The following ZNF443 variants were observed in gnomAD, a reference collection of about 807,000 sequenced individuals.
ZNF443 encodes Kruppel-type zinc finger (C2H2).
Under a neutral mutation model 12.0 loss-of-function variants are expected in ZNF443, and 3 were observed. The observed-to-expected ratio is 0.25, with a 90% CI of 0.11 to 0.64. The LOEUF (loss-of-function observed/expected upper bound fraction) is 0.64, where lower values mean the gene tolerates loss of function less well. Ranked by LOEUF, ZNF443 falls within the 30% of genes least tolerant of loss-of-function variation. ZNF443 has a pLI of 0.84. For missense variants in ZNF443, 770 were observed against 808.8 expected, an observed-to-expected ratio of 0.95 and a Z score of 0.58; for synonymous variants, 225 against 265.9, an observed-to-expected ratio of 0.85 and a Z score of 1.50.
chr19:12,435,521 C>T (rs1970300274), intron 1 of ZNF443, among the ~76,000 whole-genome samples: 1 of 152,162 alleles, frequency 6.6e-6, no homozygotes, highest in South Asian at 2.1e-4. Flanking sequence ...CCCATGCATG[C>T]ACAGTAAAGA....
rs781349065 is a variant in ZNF443, at chr19:12,430,821, A to G, written c.1351T>C (p.Cys451Arg). Residue 451 changes from cysteine to arginine, a missense_variant, in exon 4 of 4, where the codon TGT becomes CGT. By Grantham distance (180) the Cys-to-Arg change is radical. This residue lies in a region of ZNF443 where 736 missense variants were observed against 689.4 expected (regional missense o/e 1.07). Transcript: ENST00000301547. ...CGGTAGGCTTTGCCACATTGTTTAC[A>G]TTTATAGGGTTTCTCTGCAGTGTGA... Reference protein sequence around the residue: ...RTHTAEKPYKCKQCGKAYRIS... With the variant: ...RTHTAEKPYKRKQCGKAYRIS... 1 of 1,614,138 alleles carries G rather than the reference A, an allele frequency of 6.2e-7. No individual in the cohort carries two copies. The highest frequency in any genetic ancestry group is 2.2e-5 in the East Asian group (1 of 44,882).
chr19:12,433,691 T>C (rs1309409400), intron 1 of ZNF443, among the ~76,000 whole-genome samples: 1 of 151,908 alleles, frequency 6.6e-6, no homozygotes, highest in Admixed American at 6.6e-5. Flanking sequence ...GCAAAAAAAA[T>C]ATAGTATTTC....
chr19:12,431,539 T>A lies in ZNF443; in HGVS notation c.633A>T (p.Leu211Phe). 16 of 1,614,130 alleles carry A rather than the reference T, an allele frequency of 9.9e-6. No homozygotes were observed. The highest frequency in any genetic ancestry group is 1.4e-5 in the Non-Finnish European group (16 of 1,179,996). ...LCGKAFFWPS[L>F]LHMHERTHTG... ...TGTGCGTTCTTTCATGCATATGTAA[T>A]AAACTGGGCCAAAAAAACGCTTTCC... Residue 211 changes from leucine (L) to phenylalanine (F), a missense_variant, in exon 4 of 4, where the codon TTA becomes TTT. By Grantham distance (22) the Leu-to-Phe change is conservative (BLOSUM62 0). Coordinates refer to ENST00000301547, the MANE Select transcript of ZNF443 (RefSeq NM_005815.5).
intron 1 of ZNF443, among the ~76,000 whole-genome samples, chr19:12,437,993 C>T (rs1003718750): frequency 7.3e-5 from 11 of 151,332 alleles, no homozygotes; most frequent in African/African-American, 2.7e-4. Context: ...CCCAGCTACT[C>T]AGGAGGCTGA....
chr19:12,437,690 CA>C (rs1366656918), intron 1 of ZNF443, among the ~76,000 whole-genome samples: 8 of 151,888 alleles, frequency 5.3e-5, no homozygotes, highest in African/African-American at 1.7e-4. Flanking sequence ...CCAATGTGTG[CA>C]AGAAAACTAT....
chr19:12,430,084 T>C lies in ZNF443; in HGVS notation c.*72A>G. 1 of 1,600,842 alleles carries C rather than the reference T, an allele frequency of 6.2e-7. No individual in the cohort carries two copies. On this transcript the variant is annotated 3_prime_UTR_variant, in exon 4 of 4. Coordinates refer to ENST00000301547, the MANE Select transcript of ZNF443 (RefSeq NM_005815.5). Reference sequence around the variant, plus strand: ...ATTCACAGGGTCTATCTCCAATGTGTTTCGTACAAGTATCTGAAATGAAAT... The same window carrying C: ...ATTCACAGGGTCTATCTCCAATGTGCTTCGTACAAGTATCTGAAATGAAAT...
In ZNF443 at chr19:12,429,974, T is replaced by G. The variant is rs1599619374; in HGVS notation, c.*182A>C. ...AAGGGACTGGACATGGCTCACGGAG[T>G]GCTGGAACCAATACCCAGCAGGTAT... is the stretch of plus-strand genomic sequence containing the variant. On this transcript the variant is annotated 3_prime_UTR_variant, in exon 4 of 4. Coordinates refer to ENST00000301547, the MANE Select transcript of ZNF443 (RefSeq NM_005815.5). The G allele has an allele frequency of 2.1e-6, 2 of 938,596 alleles. No individual in the cohort carries two copies. The highest frequency in any genetic ancestry group is 3.2e-6 in the Non-Finnish European group (2 of 634,054). 58.1% of individuals were successfully genotyped at this position (938,596 alleles called of 1,614,324 possible). A position where few individuals can be genotyped will look rare whatever the true frequency, so the allele number is the denominator to read the frequency against.
chr19:12,429,777 T>A lies in ZNF443; in HGVS notation c.*379A>T. On this transcript the variant is annotated 3_prime_UTR_variant, in exon 4 of 4. Transcript: ENST00000301547. ...TGTTGATAGGCTCACAATTACTGCA[T>A]CTATACTGAAAATACATAGACTCTT... 3.6e-6 allele frequency: 1 copy of A among 279,836 alleles called. No homozygotes were observed. The highest frequency in any genetic ancestry group is 6.7e-6 in the Non-Finnish European group (1 of 148,456). The allele number at this position is 279,836 out of a possible 1,614,324, so 17.3% of individuals were successfully genotyped here.
rs555457438 is a variant in ZNF443, at chr19:12,431,417, G to A, written c.755C>T (p.Pro252Leu). ...TTTAGAACACTGTTTACATTCATAC[G>A]GTTTCTCCCCAGTATGTGTTCTTTC... ...RHERTHTGEK[P>L]YECKQCSKAF... Residue 252 changes from proline (P) to leucine (L), a missense_variant, in exon 4 of 4, where the codon CCG (proline) becomes CTG (leucine). Pro to Leu is a moderately conservative substitution (Grantham distance 98). Transcript: ENST00000301547. 113 of 1,614,052 alleles carry A rather than the reference G, an allele frequency of 7.0e-5. 2 individuals carry two copies. The highest frequency in any genetic ancestry group is 5.6e-4 in the South Asian group (51 of 91,060).
chr19:12,436,352 C>T (rs1033842674), intron 1 of ZNF443, among the ~76,000 whole-genome samples: 31 of 149,570 alleles, frequency 2.1e-4, no homozygotes, highest in African/African-American at 6.7e-4. Context: ...TGGTGGTGCA[C>T]GCCTGTAATC....
Position 12,430,969 on chromosome 19 carries a change from T to G in ZNF443, c.1203A>C (p.Ala401=), listed in dbSNP as rs541137100. ...KPYECKQCGK[A]LSHRSSFRSH... is the part of the protein sequence containing the mutation. ...TTCGAAAGCTTGAGCGATGAGATAA[T>G]GCTTTCCCACACTGCTTGCATTCAT... Residue 401 remains alanine, a synonymous_variant, in exon 4 of 4, where the codon GCA becomes GCC. Transcript: ENST00000301547. 6.2e-7 allele frequency: 1 copy of G among 1,613,794 alleles called. No individual in the cohort carries two copies. The highest frequency in any genetic ancestry group is 8.5e-7 in the Non-Finnish European group (1 of 1,179,806).
At chr19:12,434,115 T>C (rs1970285242) in intron 1 of ZNF443, among the ~76,000 whole-genome samples, 1 of 152,164 alleles carries the variant, frequency 6.6e-6, no homozygotes, top group Admixed American at 6.6e-5. Flanking sequence ...TCCAGAAATG[T>C]AAAAATTAAA....
At chr19:12,439,636 G>A (rs1970345234) in intron 1 of ZNF443, among the ~76,000 whole-genome samples, 2 of 152,054 alleles carry the variant, frequency 1.3e-5, no homozygotes, top group Non-Finnish European at 2.9e-5. Flanking sequence ...ACAGGTGCCA[G>A]CTACCAAGCC....
chr19:12,430,924 A>G lies in ZNF443; in HGVS notation c.1248T>C (p.Thr416=), dbSNP rs568514498. 11 of 1,613,934 alleles carry G rather than the reference A, an allele frequency of 6.8e-6. No individual in the cohort carries two copies. The South Asian group carries it at 9.9e-5, about 15-fold the overall frequency. Residue 416 remains threonine (T), a synonymous_variant, in exon 4 of 4, where the codon ACT becomes ACC. Coordinates refer to ENST00000301547, the MANE Select transcript of ZNF443 (RefSeq NM_005815.5). ...CCTTGCATTTATGAGGTCCATCTCC[A>G]GTGTGCATTATCATATGACTTCGAA... ...SSFRSHMIMH[T]GDGPHKCKVC...
Position 12,430,561 on chromosome 19 carries a change from A to G in ZNF443, c.1611T>C (p.Cys537=), listed in dbSNP as rs759541345. 10 of 1,613,970 alleles carry G rather than the reference A, an allele frequency of 6.2e-6. 1 individual carries two copies. The Middle Eastern group carries it at 1.5e-3, about 240-fold the overall frequency. The change falls in exon 4 of 4, where the codon TGT becomes TGC. Residue 537 remains cysteine, a synonymous_variant. Coordinates refer to ENST00000301547, the MANE Select transcript of ZNF443 (RefSeq NM_005815.5). ...TGEKPYECKT[C]RKAFGHYDNL... Reference sequence around the variant, plus strand: ...TATCATAATGACCGAAGGCTTTCCTACATGTTTTACACTCATAAGGTTTCT... The same window carrying G: ...TATCATAATGACCGAAGGCTTTCCTGCATGTTTTACACTCATAAGGTTTCT...
chr19:12,433,397 T>C (rs1435845679), intron 1 of ZNF443, among the ~76,000 whole-genome samples, 200 bp from the exon 2 acceptor site: 1 of 152,230 alleles, frequency 6.6e-6, no homozygotes, highest in South Asian at 2.1e-4. Flanking sequence ...TTTGGTAAAT[T>C]AACAGTGGGA....
intron 1 of ZNF443, among the ~76,000 whole-genome samples, chr19:12,438,091 T>C (rs1265701649): frequency 7.2e-6 from 1 of 139,824 alleles, no homozygotes; most frequent in Non-Finnish European, 1.5e-5. Context: ...ACAGAGATGC[T>C]GTCTCAAAAA....
intron 1 of ZNF443, among the ~76,000 whole-genome samples, chr19:12,433,994 C>T (rs1343125450): frequency 3.3e-5 from 5 of 152,192 alleles, no homozygotes; most frequent in African/African-American, 1.2e-4. Flanking sequence ...GAGCTAGACA[C>T]TCAGCTCCCT....
chr19:12,437,295 C>A (rs1330385599), intron 1 of ZNF443, among the ~76,000 whole-genome samples: 1 of 151,408 alleles, frequency 6.6e-6, no homozygotes, highest in Non-Finnish European at 1.5e-5. Flanking sequence ...GTAGTCCCAG[C>A]TACTCAGGAA....
Sources: allele counts gnomAD v4.1 joint callset (sites outside exome capture counted in the v4.1 genomes callset), GRCh38; gene constraint gnomAD v4.1.1; regional missense constraint gnomAD v4.1.1; transcripts MANE v1.5; gene names NCBI Gene and HGNC (gene_info 2026-07-23, HGNC 2026-07-21).